Variants in SH3BGR observed in about 807,000 individuals in gnomAD.
The protein encoded by SH3BGR is SH3 domain-binding glutamic acid-rich protein.
Under a neutral mutation model 24.5 loss-of-function variants are expected in SH3BGR, and 29 were observed. That is an observed-to-expected ratio of 1.18 (90% CI 0.88 to 1.61). SH3BGR has a LOEUF of 1.61. Among genes scored for constraint, SH3BGR ranks in the 40% most tolerant of loss-of-function variants. SH3BGR has a pLI of 0.00. For missense variants in SH3BGR, 162 were observed against 205.8 expected, an observed-to-expected ratio of 0.79 and a Z score of 1.30; for synonymous variants, 55 against 65.7, an observed-to-expected ratio of 0.84 and a Z score of 0.79.
chr21:39,451,903 C>T, upstream of SH3BGR: 1 of 1,613,628 alleles, frequency 6.2e-7, no homozygotes. Flanking sequence ...AGGGAGGAGC[C>T]CAAGATGCCT....
intron 3 of SH3BGR, among the ~76,000 whole-genome samples, chr21:39,494,914 A>G (rs895561049): frequency 6.6e-6 from 1 of 151,654 alleles, no homozygotes; most frequent in Non-Finnish European, 1.5e-5. Context: ...TTTGATCTTC[A>G]TATTGGATAA....
chr21:39,449,846 G>A, upstream of SH3BGR, among the ~76,000 whole-genome samples: 1 of 152,138 alleles, frequency 6.6e-6, no homozygotes, highest in East Asian at 1.9e-4. Context: ...ACAGGTTAAG[G>A]GAGTGGCTTA....
chr21:39,476,257 A>T (rs1342466804), intron 3 of SH3BGR, among the ~76,000 whole-genome samples: 1 of 152,146 alleles, frequency 6.6e-6, no homozygotes, highest in Non-Finnish European at 1.5e-5. Flanking sequence ...TTGGCTCTTT[A>T]CAGAAGAGGG....
rs1053174662 is a variant in SH3BGR, at chr21:39,452,062, G to A, written c.-35G>A. 4.3e-6 allele frequency: 7 copies of A among 1,614,142 alleles called. No individual in the cohort carries two copies. The highest frequency in any genetic ancestry group is 5.9e-6 in the Non-Finnish European group (7 of 1,179,970). On this transcript the variant is annotated 5_prime_UTR_variant, in exon 1 of 7. It adds an upstream start codon to the 5' untranslated region. Coordinates refer to ENST00000333634, the MANE Select transcript of SH3BGR (RefSeq NM_007341.3). ...TCTAGCGGCGCATTCCCTGACAGGG[G>A]TGTGTTGGGGGGAGTCCTCTTTCCA...
intron 1 of SH3BGR, among the ~76,000 whole-genome samples, chr21:39,457,613 A>C (rs1484562940): frequency 6.6e-6 from 1 of 151,200 alleles, no homozygotes; most frequent in Non-Finnish European, 1.5e-5. Flanking sequence ...TTAAGTATCC[A>C]GATTTGTCTT....
chr21:39,451,933 CAG>C (rs757433689), upstream of SH3BGR: 11 of 1,614,150 alleles, frequency 6.8e-6, no homozygotes, highest in East Asian at 1.8e-4. Flanking sequence ...CTTGGAGAGA[CAG>C]AGCCTCTTAA....
chr21:39,481,532 T>G (rs1339073363), intron 3 of SH3BGR, among the ~76,000 whole-genome samples: 1 of 152,224 alleles, frequency 6.6e-6, no homozygotes, highest in African/African-American at 2.4e-5. Flanking sequence ...ATTTTCTGAT[T>G]ATTAACCCAG....
At chr21:39,473,842 A>G (rs893403998) in intron 2 of SH3BGR, among the ~76,000 whole-genome samples, 6 of 151,228 alleles carry the variant, frequency 4.0e-5, no homozygotes, top group Non-Finnish European at 7.4e-5. Flanking sequence ...CCGAGATTGC[A>G]CCACTGTACT....
intron 4 of SH3BGR, among the ~76,000 whole-genome samples, chr21:39,503,386 T>G (rs975062653): frequency 6.6e-6 from 1 of 152,190 alleles, no homozygotes; most frequent in Non-Finnish European, 1.5e-5. Flanking sequence ...GTTAACTAGA[T>G]GACAAACCAT....
intron 1 of SH3BGR, among the ~76,000 whole-genome samples, chr21:39,460,193 G>A (rs919312134): frequency 1.3e-5 from 2 of 152,260 alleles, no homozygotes; most frequent in Admixed American, 1.3e-4. Context: ...TAGGAAAGGA[G>A]GAATCTGTGG....
intron 3 of SH3BGR, 48 bp from the exon 4 acceptor site, chr21:39,499,775 T>TC: frequency 7.0e-7 from 1 of 1,418,562 alleles, no homozygotes; most frequent in Non-Finnish European, 9.8e-7. Flanking sequence ...TTTTTTTTTT[T>TC]CTTTTTTCTG....
At chr21:39,451,773 C>A, upstream of SH3BGR, 2 of 1,104,042 alleles carry the variant, frequency 1.8e-6, no homozygotes, top group Non-Finnish European at 2.6e-6. Context: ...CACAGCACAG[C>A]CTGGCCTTTT....
intron 3 of SH3BGR, among the ~76,000 whole-genome samples, chr21:39,495,229 A>G (rs541215309): frequency 1.2e-3 from 175 of 152,154 alleles, no homozygotes; most frequent in African/African-American, 4.0e-3. Context: ...AGAATGAGTA[A>G]CATTTTCCTG....
Position 39,452,042 on chromosome 21 carries a change from C to T in SH3BGR, c.-55C>T, listed in dbSNP as rs542531575. 8.7e-6 allele frequency: 14 copies of T among 1,614,098 alleles called. No homozygotes were observed. The highest frequency in any genetic ancestry group is 2.2e-5 in the East Asian group (1 of 44,868). On this transcript the variant is annotated 5_prime_UTR_variant, in exon 1 of 7. Coordinates refer to ENST00000333634, the MANE Select transcript of SH3BGR (RefSeq NM_007341.3). Reference sequence around the variant, plus strand: ...TGTGTCACTGTCAGGATTTGTCTAGCGGCGCATTCCCTGACAGGGGTGTGT... The same window carrying T: ...TGTGTCACTGTCAGGATTTGTCTAGTGGCGCATTCCCTGACAGGGGTGTGT...
At chr21:39,455,687 C>T (rs1274807031) in intron 1 of SH3BGR, among the ~76,000 whole-genome samples, 1 of 152,190 alleles carries the variant, frequency 6.6e-6, no homozygotes, top group East Asian at 1.9e-4. Flanking sequence ...ACGACAGTGC[C>T]GGCCAGGTTA....
chr21:39,468,252 T>C (rs1001218672), intron 2 of SH3BGR, among the ~76,000 whole-genome samples: 1 of 152,326 alleles, frequency 6.6e-6, no homozygotes, highest in African/African-American at 2.4e-5. Context: ...GAACAAACTA[T>C]GTTATGTTCC....
chr21:39,470,300 C>A (rs1354302148), intron 2 of SH3BGR, among the ~76,000 whole-genome samples: 1 of 151,884 alleles, frequency 6.6e-6, no homozygotes, highest in African/African-American at 2.4e-5. Flanking sequence ...GTTCTGTCAC[C>A]CAGGCTGGAG....
chr21:39,496,144 A>G (rs2078389991), intron 3 of SH3BGR, among the ~76,000 whole-genome samples: 1 of 152,162 alleles, frequency 6.6e-6, no homozygotes, highest in African/African-American at 2.4e-5. Flanking sequence ...AGCCGTAGTT[A>G]TTGTAATAAT....
At chr21:39,467,934 G>A (rs534391244) in intron 2 of SH3BGR, among the ~76,000 whole-genome samples, 1 of 152,366 alleles carries the variant, frequency 6.6e-6, no homozygotes, top group African/African-American at 2.4e-5. Context: ...CACCACACTG[G>A]AAGCCAGGCA....
Sources: gnomAD v4.1 joint callset for allele counts (sites outside exome capture counted in the v4.1 genomes callset) on GRCh38, gnomAD v4.1.1 for gene constraint, MANE v1.5 for transcripts, NCBI Gene and HGNC (gene_info 2026-07-23, HGNC 2026-07-21) for gene names.